Variants in PTGER3 observed in about 807,000 individuals in gnomAD.
PTGER3 encodes the protein prostaglandin E receptor 3, also known as prostaglandin E2 receptor EP3 subtype.
Under a neutral mutation model 34.7 loss-of-function variants are expected in PTGER3, and 22 were observed. The ratio of observed to expected loss-of-function variants is 0.63; its 90% CI spans 0.45 to 0.91. PTGER3 has a LOEUF of 0.91. Among genes scored for constraint, PTGER3 ranks in the 40% least tolerant of loss-of-function variants. The pLI, the probability that PTGER3 is intolerant of heterozygous loss-of-function variation, is 0.00. For synonymous variants in PTGER3, 241 were observed against 230.1 expected, an observed-to-expected ratio of 1.05 and a Z score of -0.43; for missense variants, 468 against 519.4, an observed-to-expected ratio of 0.90 and a Z score of 0.96.
intron 4 of PTGER3, among the ~76,000 whole-genome samples, chr1:70,876,099 C>T (rs1646266778): frequency 6.6e-6 from 1 of 152,078 alleles, no homozygotes; most frequent in Admixed American, 6.6e-5. Flanking sequence ...TTGCCAGCAC[C>T]TGTTGTTTTT....
intron 1 of PTGER3, among the ~76,000 whole-genome samples, chr1:71,045,640 A>G (rs751596391): frequency 8.5e-5 from 13 of 152,174 alleles, no homozygotes; most frequent in Non-Finnish European, 1.2e-4. Context: ...CTCTGCAAAC[A>G]TCCCTTGCTC....
chr1:70,982,535 A>G (rs1222674214), intron 2 of PTGER3, among the ~76,000 whole-genome samples: 1 of 152,148 alleles, frequency 6.6e-6, no homozygotes, highest in Non-Finnish European at 1.5e-5. Flanking sequence ...TTACACACAT[A>G]CATACTCAGA....
At chr1:71,002,958 T>C (rs775821227) in intron 2 of PTGER3, among the ~76,000 whole-genome samples, 9 of 152,194 alleles carry the variant, frequency 5.9e-5, no homozygotes, top group Middle Eastern at 3.2e-3. Flanking sequence ...TGCACATACA[T>C]CCAGAATGTA....
chr1:70,982,977 A>G (rs921548003), intron 2 of PTGER3, among the ~76,000 whole-genome samples: 1 of 152,146 alleles, frequency 6.6e-6, no homozygotes, highest in Non-Finnish European at 1.5e-5. Flanking sequence ...AATAAGGTAA[A>G]TCACAAATTT....
intron 4 of PTGER3, among the ~76,000 whole-genome samples, chr1:70,872,162 T>A (rs925192753): frequency 2.6e-5 from 4 of 152,198 alleles, no homozygotes; most frequent in African/African-American, 9.7e-5. Flanking sequence ...AGTTTGAGGT[T>A]TATTGGACAC....
chr1:70,998,838 G>T (rs1557727373), intron 2 of PTGER3, among the ~76,000 whole-genome samples: 3 of 152,106 alleles, frequency 2.0e-5, no homozygotes, highest in Admixed American at 2.0e-4. Flanking sequence ...TTTGCACAGG[G>T]AACGACGATG....
intron 4 of PTGER3, among the ~76,000 whole-genome samples, chr1:70,945,841 C>G (rs1557675413): frequency 6.6e-6 from 1 of 152,092 alleles, no homozygotes; most frequent in Non-Finnish European, 1.5e-5. Flanking sequence ...TCTTCATACT[C>G]TAACCTAAAA....
chr1:70,894,857 G>A (rs904753154), intron 4 of PTGER3, among the ~76,000 whole-genome samples: 1 of 152,144 alleles, frequency 6.6e-6, no homozygotes, highest in African/African-American at 2.4e-5. Context: ...ATCACACAAA[G>A]CTGAATGGCA....
chr1:70,876,691 G>A (rs1486515024), intron 4 of PTGER3, among the ~76,000 whole-genome samples: 1 of 152,020 alleles, frequency 6.6e-6, no homozygotes, highest in Non-Finnish European at 1.5e-5. Flanking sequence ...AGTTATCCCA[G>A]CACCATTTAT....
At chr1:70,943,811 CAT>C (rs991231401) in intron 4 of PTGER3, among the ~76,000 whole-genome samples, 2 of 150,018 alleles carry the variant, frequency 1.3e-5, no homozygotes, top group African/African-American at 4.9e-5. Flanking sequence ...AAGACAAAGA[CAT>C]ATCCTAAATA....
intron 2 of PTGER3, among the ~76,000 whole-genome samples, chr1:70,963,021 A>G (rs1417576062): frequency 6.6e-6 from 1 of 152,176 alleles, no homozygotes; most frequent in Non-Finnish European, 1.5e-5. Flanking sequence ...GCTATTCCAC[A>G]TGGTAGCAAT....
chr1:70,888,175 G>C (rs1226815982), intron 4 of PTGER3, among the ~76,000 whole-genome samples: 1 of 152,136 alleles, frequency 6.6e-6, no homozygotes, highest in Non-Finnish European at 1.5e-5. Context: ...TAGCAGTCAT[G>C]GTTGTGTTGC....
At position 70,974,377 on chromosome 1, in the gene PTGER3, G is replaced by T; in HGVS notation, c.1089C>A (p.His363Gln). ...LLRKFCQIRY[H>Q]TNNYASSSTS... ...TGGAGCTGGATGCATAGTTGTTTGT[G>T]TGGTACCTGATCTGTGAACAGACAG... The change falls in exon 3 of 4, where the codon CAC (histidine) becomes CAA (glutamine). Residue 363 changes from histidine (H) to glutamine (Q), a missense_variant. By Grantham distance (24) the His-to-Gln change is conservative (BLOSUM62 0). Transcript: ENST00000306666. 9.5e-7 allele frequency: 1 copy of T among 1,049,692 alleles called. No individual in the cohort carries two copies. Among genetic ancestry groups the T allele is most frequent in the Non-Finnish European group, 1.5e-6 (1 of 664,534 alleles). The allele number at this position is 1,049,692 out of a possible 1,614,324, so 65.0% of individuals were successfully genotyped here.
At chr1:71,002,696 A>T (rs1557730498) in intron 2 of PTGER3, among the ~76,000 whole-genome samples, 1 of 152,218 alleles carries the variant, frequency 6.6e-6, no homozygotes, top group Non-Finnish European at 1.5e-5. Flanking sequence ...ACACTTCATG[A>T]TATGCCAATA....
chr1:70,945,070 G>T (rs1216402615), intron 4 of PTGER3, among the ~76,000 whole-genome samples: 2 of 152,118 alleles, frequency 1.3e-5, no homozygotes, highest in Non-Finnish European at 2.9e-5. Context: ...CCTATAGTTA[G>T]CTAGTGGCTG....
At chr1:70,886,157 A>G in intron 4 of PTGER3, 1 of 303,528 alleles carries the variant, frequency 3.3e-6, no homozygotes, top group South Asian at 2.5e-5. Context: ...GACCCACATA[A>G]TGGGATTAAT....
At chr1:70,919,257 A>G (rs6424411) in intron 4 of PTGER3, among the ~76,000 whole-genome samples, 41,530 of 152,052 alleles carry the variant, frequency 0.27, 6,228 homozygotes, top group Middle Eastern at 0.38. Context: ...ATGATGAAAA[A>G]GTAATAATTT....
chr1:70,987,713 C>T (rs1655055562), intron 2 of PTGER3, among the ~76,000 whole-genome samples: 1 of 152,098 alleles, frequency 6.6e-6, no homozygotes, highest in Non-Finnish European at 1.5e-5. Context: ...ATAACCACAA[C>T]CACCCAATAT....
chr1:70,974,038 C>G (rs1450468670), intron 3 of PTGER3, among the ~76,000 whole-genome samples: 1 of 152,124 alleles, frequency 6.6e-6, no homozygotes, highest in Non-Finnish European at 1.5e-5. Context: ...CAGTGACTTA[C>G]AGATTCTTTC....
Sources: allele counts gnomAD v4.1 joint callset (sites outside exome capture counted in the v4.1 genomes callset), GRCh38; gene constraint gnomAD v4.1.1; transcripts MANE v1.5; gene names NCBI Gene and HGNC (gene_info 2026-07-23, HGNC 2026-07-21).